Variants in LHPP observed in about 807,000 individuals in gnomAD.
LHPP encodes hLHPP.
LHPP carries 24 observed loss-of-function variants against 30.3 expected under a neutral mutation model. The ratio of observed to expected loss-of-function variants is 0.79; its 90% CI spans 0.57 to 1.11. The LOEUF (loss-of-function observed/expected upper bound fraction) is 1.11. Ranked by LOEUF, LHPP falls within the 50% of genes most tolerant of loss-of-function variation. The probability of loss-of-function intolerance (pLI) is 0.00; values close to 1 mark genes in which losing one functional copy is unlikely to be tolerated. For synonymous variants in LHPP, 150 were observed against 157.1 expected, an observed-to-expected ratio of 0.95 and a Z score of 0.34; for missense variants, 356 against 367.2, an observed-to-expected ratio of 0.97 and a Z score of 0.25.
chr10:124,607,504 C>T (rs946221445), intron 6 of LHPP, among the ~76,000 whole-genome samples: 2 of 152,224 alleles, frequency 1.3e-5, no homozygotes, highest in African/African-American at 4.8e-5. Flanking sequence ...ACATAATTAG[C>T]CACGGACGCC....
intron 1 of LHPP, among the ~76,000 whole-genome samples, chr10:124,476,526 G>A (rs1952949891): frequency 6.6e-6 from 1 of 152,128 alleles, no homozygotes; most frequent in Admixed American, 6.5e-5. Flanking sequence ...CCAGCCTGGT[G>A]CGCGCGCCAG....
intron 6 of LHPP, among the ~76,000 whole-genome samples, chr10:124,560,153 T>G (rs1948370859): frequency 6.6e-6 from 1 of 152,268 alleles, no homozygotes; most frequent in Non-Finnish European, 1.5e-5. Flanking sequence ...ACTACGTTGT[T>G]GTATATGGAG....
chr10:124,561,413 C>T (rs1240471630), intron 6 of LHPP, among the ~76,000 whole-genome samples: 2 of 152,042 alleles, frequency 1.3e-5, no homozygotes, highest in Admixed American at 6.6e-5. Flanking sequence ...ACATGGTAAG[C>T]CTGTGCTTCC....
At chr10:124,567,495 G>C (rs1421169628) in intron 6 of LHPP, among the ~76,000 whole-genome samples, 1 of 152,256 alleles carries the variant, frequency 6.6e-6, no homozygotes, top group Non-Finnish European at 1.5e-5. Flanking sequence ...TGGCCGCCCG[G>C]CTCATAGCAA....
intron 3 of LHPP, among the ~76,000 whole-genome samples, chr10:124,489,600 G>A (rs9422990): frequency 0.21 from 31,462 of 151,820 alleles, 3,271 homozygotes; most frequent in East Asian, 0.3. Context: ...GACTACAGGC[G>A]CCCGCCACCA....
At position 124,599,954 on chromosome 10, in the gene LHPP, G is replaced by A. The variant is rs184567539; in HGVS notation, c.717-13310G>A. Among the ~76,000 whole-genome samples, 330 of 152,356 alleles carry A rather than the reference G, an allele frequency of 2.2e-3. 1 individual carries two copies. Among genetic ancestry groups the A allele is most frequent in the African/African-American group, 7.3e-3 (304 of 41,586 alleles). On this transcript the variant is annotated intron_variant, in intron 6 of 6. Transcript: ENST00000368842. ...ATGCATTTATTTTGGGGGTAGGATA[G>A]GTCCTGAAGACCACAGGGCAGGGAT...
intron 5 of LHPP, among the ~76,000 whole-genome samples, chr10:124,511,590 G>A (rs535760174): frequency 7.2e-5 from 11 of 152,244 alleles, no homozygotes; most frequent in South Asian, 6.2e-4. Flanking sequence ...ACCATCCGCC[G>A]TGGCTTCTCT....
At chr10:124,486,278 C>G (rs1337567455) in intron 2 of LHPP, among the ~76,000 whole-genome samples, 1 of 152,162 alleles carries the variant, frequency 6.6e-6, no homozygotes, top group Non-Finnish European at 1.5e-5. Flanking sequence ...CACCCCTTGT[C>G]CCCTTAGAGG....
intron 6 of LHPP, among the ~76,000 whole-genome samples, chr10:124,570,536 A>T (rs1455983466): frequency 6.6e-6 from 1 of 152,204 alleles, no homozygotes; most frequent in African/African-American, 2.4e-5. Context: ...TTTTTAATAT[A>T]TTCACAATGC....
chr10:124,559,750 G>A (rs1948361336), intron 6 of LHPP, among the ~76,000 whole-genome samples: 1 of 152,264 alleles, frequency 6.6e-6, no homozygotes, highest in Admixed American at 6.5e-5. Flanking sequence ...ATCAGTTCTT[G>A]GAAGTGCTGG....
intron 6 of LHPP, among the ~76,000 whole-genome samples, chr10:124,609,759 C>A (rs904359333): frequency 6.6e-6 from 1 of 152,198 alleles, no homozygotes; most frequent in Non-Finnish European, 1.5e-5. Flanking sequence ...TGTGTGTATT[C>A]CTCGAGTCTG....
chr10:124,481,981 C>T (rs1953151368), intron 1 of LHPP, among the ~76,000 whole-genome samples: 1 of 152,228 alleles, frequency 6.6e-6, no homozygotes, highest in Non-Finnish European at 1.5e-5. Context: ...CCTGACTCCA[C>T]TGTGTGTAGA....
intron 6 of LHPP, among the ~76,000 whole-genome samples, chr10:124,521,868 TAC>T (rs372620418): frequency 2.9e-4 from 43 of 149,184 alleles, no homozygotes; most frequent in East Asian, 3.9e-4. Context: ...CACTTACACG[TAC>T]ACACACACAC....
At position 124,523,067 on chromosome 10, in the gene LHPP, G is replaced by A. The variant is rs931213899; in HGVS notation, c.716+5796G>A. Among the ~76,000 whole-genome samples the A allele has an allele frequency of 1.1e-4, 16 of 152,184 alleles. No individual in the cohort carries two copies. Among genetic ancestry groups the A allele is most frequent in the African/African-American group, 2.2e-4 (9 of 41,448 alleles). On this transcript the variant is annotated intron_variant, in intron 6 of 6. Transcript: ENST00000368842. The surrounding 1 kb of genome is among the most constrained non-coding windows in gnomAD (Gnocchi z 4.2). ...CTGCAGCCACCACCCAGTCAAAGGC[G>A]CCACTGCCTGGGAAGCCCCTGCGCT...
At chr10:124,566,563 C>T (rs1470527619) in intron 6 of LHPP, among the ~76,000 whole-genome samples, 5 of 152,166 alleles carry the variant, frequency 3.3e-5, no homozygotes, top group Admixed American at 6.5e-5. Flanking sequence ...AAATTGGCCA[C>T]GGTGGAAGTA....
At chr10:124,477,277 A>G (rs1297428294) in intron 1 of LHPP, among the ~76,000 whole-genome samples, 1 of 152,118 alleles carries the variant, frequency 6.6e-6, no homozygotes, top group South Asian at 2.1e-4. Context: ...TCTTTTCACT[A>G]CAACCCCCGG....
chr10:124,530,462 C>A (rs1260192311), intron 6 of LHPP, among the ~76,000 whole-genome samples: 1 of 152,012 alleles, frequency 6.6e-6, no homozygotes, highest in Non-Finnish European at 1.5e-5. Context: ...CGCCAGGCCC[C>A]ACAGGTTCTC....
rs560449808 is a variant in LHPP at position 124,575,531 on chromosome 10, G to C, written c.717-37733G>C. Among the ~76,000 whole-genome samples the C allele has an allele frequency of 2.3e-4, 35 of 152,224 alleles. 1 individual carries two copies. Among genetic ancestry groups the C allele is most frequent in the African/African-American group, 7.7e-4 (32 of 41,520 alleles). On this transcript the variant is annotated intron_variant, in intron 6 of 6. Coordinates refer to ENST00000368842, the MANE Select transcript of LHPP (RefSeq NM_022126.4). ...CGTCAGCCCCTGATTTTCCATGACA[G>C]TCCCCTGTGCCCATGTCCTGCAGCC...
chr10:124,599,153 C>T (rs1948990587), intron 6 of LHPP, among the ~76,000 whole-genome samples: 1 of 152,014 alleles, frequency 6.6e-6, no homozygotes, highest in South Asian at 2.1e-4. Context: ...ATTCATTGCC[C>T]ATCTGTCCAC....
Sources: allele counts gnomAD v4.1 joint callset (sites outside exome capture counted in the v4.1 genomes callset), GRCh38; gene constraint gnomAD v4.1.1; non-coding constraint Gnocchi (gnomAD v3.1); transcripts MANE v1.5; gene names NCBI Gene and HGNC (gene_info 2026-07-23, HGNC 2026-07-21).